The following ELOVL3 variants were observed in gnomAD, a reference collection of about 807,000 sequenced individuals.
ELOVL3 encodes ELOVL fatty acid elongase 3.
A neutral mutation model predicts 14.9 loss-of-function variants in ELOVL3; 11 were observed. That is an observed-to-expected ratio of 0.74 (90% CI 0.46 to 1.22). The LOEUF is 1.22. Among genes scored for constraint, ELOVL3 ranks in the 50% most tolerant of loss-of-function variants. The pLI, the probability that ELOVL3 is intolerant of heterozygous loss-of-function variation, is 0.00. For missense variants in ELOVL3, 277 were observed against 338.9 expected, an observed-to-expected ratio of 0.82 and a Z score of 1.43; for synonymous variants, 117 against 124.7, an observed-to-expected ratio of 0.94 and a Z score of 0.41.
intron 1 of ELOVL3, among the ~76,000 whole-genome samples, chr10:102,226,984 G>T (rs1233841094): frequency 6.6e-6 from 1 of 151,958 alleles, no homozygotes; most frequent in Non-Finnish European, 1.5e-5. Context: ...GTGTGCGCGC[G>T]TGTGTGCACA....
upstream of ELOVL3, chr10:102,226,210 G>A (rs1336264937): frequency 1.4e-5 from 3 of 209,656 alleles, no homozygotes; most frequent in Admixed American, 1.8e-4. Flanking sequence ...CTGGCAGGCG[G>A]GCCCTTGAGT....
chr10:102,229,098 C>T lies in ELOVL3; in HGVS notation c.659C>T (p.Thr220Met), dbSNP rs778051432. 3.1e-6 allele frequency: 5 copies of T among 1,614,068 alleles called. No homozygotes were observed. The highest frequency in any genetic ancestry group is 2.2e-5 in the East Asian group (1 of 44,892). Residue 220 changes from threonine (T) to methionine (M), a missense_variant, in exon 4 of 4, where the codon ACG (threonine) becomes ATG (methionine). Physicochemically the swap from Thr to Met is moderately conservative, Grantham distance 81. Coordinates refer to ENST00000370005, the MANE Select transcript of ELOVL3 (RefSeq NM_152310.3). ...MFVGAIVSIL[T>M]YIWRQDQGCH... Reference sequence around the variant, plus strand: ...GTAGGAGCCATCGTCAGCATCCTCACGTACATCTGGAGGCAGGATCAGGGA... The same window carrying T: ...GTAGGAGCCATCGTCAGCATCCTCATGTACATCTGGAGGCAGGATCAGGGA...
Position 102,226,346 on chromosome 10 carries a change from C to G in ELOVL3, c.-203C>G. ...CCGGGCAGGCAGCTTTGCAAGTCCG[C>G]GTTATATATCGCAGTGGCTGCGCCC... On this transcript the variant is annotated 5_prime_UTR_variant, in exon 1 of 4. Coordinates refer to ENST00000370005, the MANE Select transcript of ELOVL3 (RefSeq NM_152310.3). The G allele has an allele frequency of 1.8e-6, 1 of 549,364 alleles. No homozygotes were observed. The highest frequency in any genetic ancestry group is 3.2e-5 in the East Asian group (1 of 31,160). The allele number at this position is 549,364 out of a possible 1,614,324, so 34.0% of individuals were successfully genotyped here.
At chr10:102,226,742 A>G in intron 1 of ELOVL3, 93 bp downstream of exon 1, 1 of 880,770 alleles carries the variant, frequency 1.1e-6, no homozygotes. Context: ...TTTCTTACAG[A>G]GCAGAGTTAT....
At chr10:102,226,184 G>T (rs746430884), upstream of ELOVL3, 2 of 195,094 alleles carry the variant, frequency 1.0e-5, no homozygotes, top group African/African-American at 2.4e-5. Context: ...GACTTGGGGC[G>T]GGGTGTGCGA....
Position 102,228,834 on chromosome 10 carries a change from C to G in ELOVL3, c.395C>G (p.Ala132Gly), listed in dbSNP as rs1468679808. 5 of 1,609,244 alleles carry G rather than the reference C, an allele frequency of 3.1e-6. No individual in the cohort carries two copies. The African/African-American group carries it at 4.0e-5, about 13-fold the overall frequency. The change falls in exon 4 of 4, where the codon GCC (alanine) becomes GGC (glycine). Residue 132 changes from alanine (A) to glycine (G), a missense_variant. Ala to Gly is a moderately conservative substitution (Grantham distance 60). Coordinates refer to ENST00000370005, the MANE Select transcript of ELOVL3 (RefSeq NM_152310.3). ...ACTCTCCATCTCCCAGGAGACACAG[C>G]CTTCATCATCCTGCGTAAGCGGCCA... ...LSKVIELGDTAFIILRKRPLI... is the reference protein window; with the variant it reads ...LSKVIELGDTGFIILRKRPLI...
Position 102,226,659 on chromosome 10 carries a change from T to G in ELOVL3, c.101+10T>G. The G allele has an allele frequency of 6.2e-7, 1 of 1,609,180 alleles. No individual in the cohort carries two copies. The highest frequency in any genetic ancestry group is 2.2e-5 in the East Asian group (1 of 44,778). Reference sequence around the variant, plus strand: ...TTTTCGAGGAGTATTGGTGAGACTTTGGGAGAGGGAAAGGCCATGCCAGGG... The same window carrying G: ...TTTTCGAGGAGTATTGGTGAGACTTGGGGAGAGGGAAAGGCCATGCCAGGG... On this transcript the variant is annotated intron_variant, in intron 1 of 3. Coordinates refer to ENST00000370005, the MANE Select transcript of ELOVL3 (RefSeq NM_152310.3).
Position 102,226,417 on chromosome 10 carries a change from C to G in ELOVL3, c.-132C>G, listed in dbSNP as rs1054371936. 35 of 628,702 alleles carry G rather than the reference C, an allele frequency of 5.6e-5. No homozygotes were observed. Among genetic ancestry groups the G allele is most frequent in the Middle Eastern group, 6.5e-4 (2 of 3,076 alleles). The allele number at this position is 628,702 out of a possible 1,614,324, so 38.9% of individuals were successfully genotyped here. ...CGCGCACATGCCTAGGTTCGACGCC[C>G]TCCTCCCTTTGCCCAGGAGTTCCTT... On this transcript the variant is annotated 5_prime_UTR_variant, in exon 1 of 4. Coordinates refer to ENST00000370005, the MANE Select transcript of ELOVL3 (RefSeq NM_152310.3).
chr10:102,225,278 T>C (rs2070128373), upstream of ELOVL3, among the ~76,000 whole-genome samples: 3 of 152,188 alleles, frequency 2.0e-5, no homozygotes, highest in African/African-American at 7.2e-5. Flanking sequence ...CACTACACCC[T>C]CGCATAGACA....
rs1564989919 is a variant in ELOVL3 at position 102,228,517 on chromosome 10, A to G, written c.334A>G (p.Thr112Ala). 1.9e-6 allele frequency: 3 copies of G among 1,614,096 alleles called. No homozygotes were observed. The highest frequency in any genetic ancestry group is 8.5e-7 in the Non-Finnish European group (1 of 1,180,016). ...VCFINFIDNS[T>A]VKFWSWVFLL... ...CTTCATCAACTTCATCGATAATTCC[A>G]CAGTCAAATTCTGGTCCTGGGTCTT... Residue 112 changes from threonine to alanine, a missense_variant, in exon 3 of 4, where the codon ACA becomes GCA. Thr to Ala is a moderately conservative substitution (Grantham distance 58). Transcript: ENST00000370005.
rs986518287 is a variant in ELOVL3 at position 102,226,506 on chromosome 10, C to T, written c.-43C>T. On this transcript the variant is annotated 5_prime_UTR_variant, in exon 1 of 4. Transcript: ENST00000370005. Reference sequence around the variant, plus strand: ...CCATCCTCGGAGCCCCAGCCTTTCACCCAGCGCCTCCAAGCTTTGGACCTT... The same window carrying T: ...CCATCCTCGGAGCCCCAGCCTTTCATCCAGCGCCTCCAAGCTTTGGACCTT... 7.6e-6 allele frequency: 11 copies of T among 1,446,552 alleles called. No individual in the cohort carries two copies. Among genetic ancestry groups the T allele is most frequent in the Non-Finnish European group, 7.8e-6 (8 of 1,028,970 alleles). 89.6% of individuals were successfully genotyped at this position (1,446,552 alleles called of 1,614,324 possible). A position where few individuals can be genotyped will look rare whatever the true frequency, so the allele number is the denominator to read the frequency against.
chr10:102,227,158 G>A (rs549255291), intron 1 of ELOVL3, among the ~76,000 whole-genome samples: 1 of 152,254 alleles, frequency 6.6e-6, no homozygotes, highest in East Asian at 1.9e-4. Flanking sequence ...AGGTTTTGGA[G>A]GCTGACTTTA....
chr10:102,226,722 C>A, intron 1 of ELOVL3, 73 bp downstream of exon 1: 2 of 1,023,218 alleles, frequency 2.0e-6, no homozygotes, highest in Non-Finnish European at 3.1e-6. Context: ...CATTGAATGC[C>A]CACAATGATT....
rs560089085 is a variant in ELOVL3 at position 102,226,372 on chromosome 10, G to T, written c.-177G>T. 1 of 570,014 alleles carries T rather than the reference G, an allele frequency of 1.8e-6. No homozygotes were observed. The highest frequency in any genetic ancestry group is 3.1e-5 in the East Asian group (1 of 32,622). The allele number at this position is 570,014 out of a possible 1,614,324, so 35.3% of individuals were successfully genotyped here. Reference sequence around the variant, plus strand: ...GTTATATATCGCAGTGGCTGCGCCCGGGATAGCTGGCTGCGCCGCCGCGCA... The same window carrying T: ...GTTATATATCGCAGTGGCTGCGCCCTGGATAGCTGGCTGCGCCGCCGCGCA... On this transcript the variant is annotated 5_prime_UTR_variant, in exon 1 of 4. Transcript: ENST00000370005.
rs755323885 is a variant in ELOVL3 at position 102,228,795 on chromosome 10, G to A, written c.386-30G>A. On this transcript the variant is annotated intron_variant, in intron 3 of 3. Transcript: ENST00000370005. ...CAGAGGGTGGTCCCAGCACTGGGTG[G>A]TATGCCAACTATGACTCTCCATCTC... is the stretch of plus-strand genomic sequence containing the variant. The A allele has an allele frequency of 3.3e-5, 52 of 1,583,938 alleles. No individual in the cohort carries two copies. The East Asian group carries it at 1.1e-3, about 32-fold the overall frequency.
At chr10:102,227,789 C>G in intron 2 of ELOVL3, 32 bp downstream of exon 2, 2 of 1,610,416 alleles carry the variant, frequency 1.2e-6, no homozygotes, top group Non-Finnish European at 8.5e-7. Flanking sequence ...TGCCTCTTCT[C>G]TAGATCTTAG....
In ELOVL3 at chr10:102,226,545, C is replaced by G. The variant is rs764045633; in HGVS notation, c.-4C>G. ...GCTTTGGACCTTGACTTCTGCAAAACTAGATGGTCACAGCCATGAATGTCT... is the reference window on the plus strand; with the variant it reads ...GCTTTGGACCTTGACTTCTGCAAAAGTAGATGGTCACAGCCATGAATGTCT... On this transcript the variant is annotated 5_prime_UTR_variant, in exon 1 of 4. Coordinates refer to ENST00000370005, the MANE Select transcript of ELOVL3 (RefSeq NM_152310.3). The G allele has an allele frequency of 2.5e-6, 4 of 1,612,280 alleles. No individual in the cohort carries two copies. Among genetic ancestry groups the G allele is most frequent in the Non-Finnish European group, 3.4e-6 (4 of 1,178,590 alleles).
At chr10:102,224,884 C>T (rs945844083), upstream of ELOVL3, among the ~76,000 whole-genome samples, 7 of 151,808 alleles carry the variant, frequency 4.6e-5, no homozygotes, top group Non-Finnish European at 8.8e-5. Context: ...AGGATGGTCT[C>T]GATCTCCTGA....
chr10:102,226,464 T>C lies in ELOVL3; in HGVS notation c.-85T>C. On this transcript the variant is annotated 5_prime_UTR_variant, in exon 1 of 4. Transcript: ENST00000370005. Reference sequence around the variant, plus strand: ...CCTTCTGTCCCGGCTCTGTTCCGTCTCGCCCCGAGGTTCACGCCATCCTCG... The same window carrying C: ...CCTTCTGTCCCGGCTCTGTTCCGTCCCGCCCCGAGGTTCACGCCATCCTCG... The C allele has an allele frequency of 1.1e-6, 1 of 949,430 alleles. No individual in the cohort carries two copies. Among genetic ancestry groups the C allele is most frequent in the South Asian group, 1.4e-5 (1 of 70,908 alleles). 58.8% of individuals were successfully genotyped at this position (949,430 alleles called of 1,614,324 possible). A position where few individuals can be genotyped will look rare whatever the true frequency, so the allele number is the denominator to read the frequency against.
Sources: gnomAD v4.1 joint callset for allele counts (sites outside exome capture counted in the v4.1 genomes callset) on GRCh38, gnomAD v4.1.1 for gene constraint, MANE v1.5 for transcripts, NCBI Gene and HGNC (gene_info 2026-07-23, HGNC 2026-07-21) for gene names.